FADS1: variants seen among roughly 807,000 people sequenced by gnomAD.
FADS1 encodes the protein acyl-CoA (8-3)-desaturase.
FADS1 carries 17 observed loss-of-function variants against 61.6 expected under a neutral mutation model. That is an observed-to-expected ratio of 0.28 (90% CI 0.19 to 0.41). The LOEUF is 0.41. Ranked by LOEUF, FADS1 falls within the 10% of genes least tolerant of loss-of-function variation. FADS1 has a pLI of 1.00. For synonymous variants in FADS1, 238 were observed against 258.7 expected (o/e 0.92, Z 0.77); for missense variants, 387 against 650.9 (o/e 0.59, Z 4.41).
chr11:61,816,726 C>G lies in FADS1; in HGVS notation c.204G>C (p.Ala68=). The change falls in exon 1 of 12, where the codon GCG becomes GCC. Residue 68 remains alanine, a synonymous_variant. Transcript: ENST00000350997. This position sits in a 1 kb window ranked among gnomAD's most constrained non-coding sequence, Gnocchi z 7.0. The stretch of plus-strand genomic sequence containing the variant: ...AGTAGCGCGGGGTAGGTCCCTGAGC[C>G]GCGGTCTCGGCGGCCACCGGGTCGG... The part of the protein sequence containing the change: ...MAPDPVAAET[A]AQGPTPRYFT... 1.3e-6 allele frequency: 2 copies of G among 1,563,200 alleles called. No individual in the cohort carries two copies. The highest frequency in any genetic ancestry group is 1.7e-6 in the Non-Finnish European group (2 of 1,154,794).
At chr11:61,813,747 C>T (rs1242937514) in intron 1 of FADS1, among the ~76,000 whole-genome samples, 1 of 152,160 alleles carries the variant, frequency 6.6e-6, no homozygotes, top group African/African-American at 2.4e-5. Context: ...GGGTGGATCA[C>T]GAGGTCAGGA....
intron 5 of FADS1, among the ~76,000 whole-genome samples, chr11:61,809,386 A>C: frequency 6.6e-6 from 1 of 152,156 alleles, no homozygotes; most frequent in East Asian, 1.9e-4. Flanking sequence ...GCTGTTACCC[A>C]GGCTGGAGTG....
Position 61,816,859 on chromosome 11 carries a change from G to A in FADS1, c.71C>T (p.Ala24Val). Reference sequence around the variant, plus strand: ...GTGGATTTGCTGGCGCGCGCCCAGAGCCAGCCGCCTGCGCGCCGGGTTTTC... The same window carrying A: ...GTGGATTTGCTGGCGCGCGCCCAGAACCAGCCGCCTGCGCGCCGGGTTTTC... ...GAENPARRRL[A>V]LGARQQIHSW... is the part of the protein sequence containing the mutation. The change falls in exon 1 of 12, where the codon GCT (alanine) becomes GTT (valine). Residue 24 changes from alanine to valine, a missense_variant. Physicochemically the swap from Ala to Val is moderately conservative, Grantham distance 64. This residue lies in a region of FADS1 where 130 missense variants were observed against 117.7 expected (regional missense o/e 1.10). Transcript: ENST00000350997. The surrounding 1 kb of genome is among the most constrained non-coding windows in gnomAD (Gnocchi z 7.0). 6.7e-7 allele frequency: 1 copy of A among 1,481,722 alleles called. No individual in the cohort carries two copies. The allele number at this position is 1,481,722 out of a possible 1,614,324, so 91.8% of individuals were successfully genotyped here. A position where few individuals can be genotyped will look rare whatever the true frequency, so the allele number is the denominator to read the frequency against.
chr11:61,810,738 T>C lies in FADS1; in HGVS notation c.915+13A>G, dbSNP rs1480960240. On this transcript the variant is annotated intron_variant, in intron 5 of 11. Transcript: ENST00000350997. ...CTATTCCCCAAGACCTTTCCACTGA[T>C]ACCTCCACGCACCTCCACAGAGAGG... 6.2e-7 allele frequency: 1 copy of C among 1,613,932 alleles called. No individual in the cohort carries two copies. The highest frequency in any genetic ancestry group is 8.5e-7 in the Non-Finnish European group (1 of 1,179,948).
intron 2 of FADS1, 59 bp downstream of exon 2, chr11:61,813,184 C>T (rs2066943756): frequency 2.0e-6 from 2 of 1,017,778 alleles, no homozygotes; most frequent in African/African-American, 1.6e-5. Context: ...TCTCCTTCCA[C>T]CCCCTCTCTG....
rs1464953187 is a variant in FADS1 at position 61,800,897 on chromosome 11, T to C, written c.*1514A>G. The C allele has an allele frequency of 6.6e-6, 1 of 152,354 alleles. No individual in the cohort carries two copies. The highest frequency in any genetic ancestry group is 2.4e-5 in the African/African-American group (1 of 41,448). The allele number at this position is 152,354 out of a possible 1,614,324, so 9.4% of individuals were successfully genotyped here. On this transcript the variant is annotated 3_prime_UTR_variant, in exon 12 of 12. Transcript: ENST00000350997. ...CTGGAGAGATGGGCTAAACTGTTTA[T>C]CTTTTAAAAACCAGATGATTAAAAA... is the stretch of plus-strand genomic sequence containing the variant.
chr11:61,806,745 A>G, intron 5 of FADS1, 21 bp from the exon 6 acceptor site: 6 of 1,611,822 alleles, frequency 3.7e-6, no homozygotes, highest in Non-Finnish European at 5.1e-6. Context: ...AAGCAAACAC[A>G]TGAGCATTCG....
intron 5 of FADS1, 85 bp from the exon 6 acceptor site, chr11:61,806,809 G>A (rs2066898052): frequency 8.7e-6 from 11 of 1,260,732 alleles, no homozygotes; most frequent in Non-Finnish European, 1.2e-5. Context: ...TGGAGGTTTA[G>A]GCCTCCTCCA....
At position 61,810,852 on chromosome 11, in the gene FADS1, T is replaced by A; in HGVS notation, c.814A>T (p.Met272Leu). The A allele has an allele frequency of 2.5e-6, 4 of 1,614,156 alleles. No individual in the cohort carries two copies. The highest frequency in any genetic ancestry group is 3.4e-6 in the Non-Finnish European group (4 of 1,180,024). ...KGAPASWWNH[M>L]HFQHHAKPNC... ...GGCTTGGCATGGTGCTGGAAGTGCATGTGGTTCCACCAACTGGCGGGGGCC... is the reference window on the plus strand; with the variant it reads ...GGCTTGGCATGGTGCTGGAAGTGCAAGTGGTTCCACCAACTGGCGGGGGCC... The change falls in exon 5 of 12, where the codon ATG becomes TTG. Residue 272 changes from methionine (M) to leucine (L), a missense_variant. Physicochemically the swap from Met to Leu is conservative, Grantham distance 15. Transcript: ENST00000350997.
intron 7 of FADS1, chr11:61,804,093 G>T (rs781066182): frequency 5.4e-6 from 2 of 368,922 alleles, no homozygotes; most frequent in Non-Finnish European, 1.0e-5. Context: ...CCATGCCAGT[G>T]CCCTGATCAA....
chr11:61,816,589 C>A lies in FADS1; in HGVS notation c.341G>T (p.Arg114Leu). 1 of 1,609,654 alleles carries A rather than the reference C, an allele frequency of 6.2e-7. No individual in the cohort carries two copies. Among genetic ancestry groups the A allele is most frequent in the Non-Finnish European group, 8.5e-7 (1 of 1,178,742 alleles). ...CTGCCCGGCGTAGTGGCTGATGACC[C>A]GGGAGCCCCCTGGATGCCGGCGGGT... The part of the protein sequence containing the change: ...EFTRRHPGGS[R>L]VISHYAGQDA... The change falls in exon 1 of 12, where the codon CGG becomes CTG. Residue 114 changes from arginine to leucine, a missense_variant. Arg to Leu is a moderately radical substitution (Grantham distance 102). Transcript: ENST00000350997. The surrounding 1 kb of genome is among the most constrained non-coding windows in gnomAD (Gnocchi z 7.0).
Position 61,802,298 on chromosome 11 carries a change from A to C in FADS1, c.*113T>G. Reference sequence around the variant, plus strand: ...TTTGAGTCAGAGGCTTTATGTCCCCAAACCCAACCCCCTCTGAGTATTAAA... The same window carrying C: ...TTTGAGTCAGAGGCTTTATGTCCCCCAACCCAACCCCCTCTGAGTATTAAA... On this transcript the variant is annotated 3_prime_UTR_variant, in exon 12 of 12. Coordinates refer to ENST00000350997, the MANE Select transcript of FADS1 (RefSeq NM_013402.7). The surrounding 1 kb of genome is among the most constrained non-coding windows in gnomAD (Gnocchi z 4.2). 1.0e-6 allele frequency: 1 copy of C among 995,520 alleles called. No homozygotes were observed. The highest frequency in any genetic ancestry group is 1.5e-6 in the Non-Finnish European group (1 of 647,938). The allele number at this position is 995,520 out of a possible 1,614,324, so 61.7% of individuals were successfully genotyped here. A position where few individuals can be genotyped will look rare whatever the true frequency, so the allele number is the denominator to read the frequency against.
chr11:61,802,460 G>A lies in FADS1; in HGVS notation c.1457C>T (p.Ser486Leu). 6.4e-7 allele frequency: 1 copy of A among 1,562,882 alleles called. No individual in the cohort carries two copies. Among genetic ancestry groups the A allele is most frequent in the Non-Finnish European group, 8.7e-7 (1 of 1,152,504 alleles). ...CCAGAGCTGCCCTGACTCCTTTAGT[G>A]AGCTGCAGGGACAAAATGGGGGCAG... ...LLSAFADIIHSLKESGQLWLD... is the reference protein window; with the variant it reads ...LLSAFADIIHLLKESGQLWLD... The change falls in exon 12 of 12, where the codon TCA (serine) becomes TTA (leucine). Residue 486 changes from serine to leucine, a missense_variant and splice_region_variant. Physicochemically the swap from Ser to Leu is moderately radical, Grantham distance 145. Transcript: ENST00000350997. The surrounding 1 kb of genome is among the most constrained non-coding windows in gnomAD (Gnocchi z 4.2).
Position 61,801,688 on chromosome 11 carries a change from T to G in FADS1, c.*723A>C, listed in dbSNP as rs2066856567. 6.6e-6 allele frequency: 1 copy of G among 152,486 alleles called. No homozygotes were observed. Among genetic ancestry groups the G allele is most frequent in the South Asian group, 2.1e-4 (1 of 4,836 alleles). 9.4% of individuals were successfully genotyped at this position (152,486 alleles called of 1,614,324 possible). On this transcript the variant is annotated 3_prime_UTR_variant, in exon 12 of 12. Coordinates refer to ENST00000350997, the MANE Select transcript of FADS1 (RefSeq NM_013402.7). ...CTAAGGCAGACATAGGTCATACCTATCCCTGGGCAGCGAGCTGAGCTCCCA... is the reference window on the plus strand; with the variant it reads ...CTAAGGCAGACATAGGTCATACCTAGCCCTGGGCAGCGAGCTGAGCTCCCA...
At chr11:61,807,217 T>G (rs1419803052) in intron 5 of FADS1, among the ~76,000 whole-genome samples, 1 of 152,196 alleles carries the variant, frequency 6.6e-6, no homozygotes, top group African/African-American at 2.4e-5. Flanking sequence ...TACAGGCATG[T>G]GCCTCCACGC....
Position 61,816,029 on chromosome 11 carries a change from C to A in FADS1, c.375+526G>T. 1.8e-6 allele frequency: 1 copy of A among 560,524 alleles called. No homozygotes were observed. The highest frequency in any genetic ancestry group is 3.2e-6 in the Non-Finnish European group (1 of 314,174). 34.7% of individuals were successfully genotyped at this position (560,524 alleles called of 1,614,324 possible). On this transcript the variant is annotated intron_variant, in intron 1 of 11. Transcript: ENST00000350997. This position sits in a 1 kb window ranked among gnomAD's most constrained non-coding sequence, Gnocchi z 7.0. ...AAGGCAGCGGTCTCCCCAAGCTTCC[C>A]GTTTCAGCCCCATCCTCGAGAATGG...
intron 3 of FADS1, 105 bp from the exon 4 acceptor site, chr11:61,811,180 G>C: frequency 1.3e-6 from 1 of 781,640 alleles, no homozygotes; most frequent in Non-Finnish European, 2.2e-6. Flanking sequence ...ATCTGCCAAG[G>C]CCTGTGATGC....
rs2135933630 is a variant in FADS1 at position 61,802,423 on chromosome 11, A to G, written c.1494T>C (p.Tyr498=). The change falls in exon 12 of 12, where the codon TAT becomes TAC. Residue 498 remains tyrosine, a synonymous_variant. Coordinates refer to ENST00000350997, the MANE Select transcript of FADS1 (RefSeq NM_013402.7). The surrounding 1 kb of genome is among the most constrained non-coding windows in gnomAD (Gnocchi z 4.2). The part of the protein sequence containing the change: ...KESGQLWLDA[Y]LHQ ...AGGGTGGCTGTTGTTATTGGTGAAG[A>G]TAGGCATCTAGCCAGAGCTGCCCTG... is the stretch of plus-strand genomic sequence containing the variant. 2 of 1,568,656 alleles carry G rather than the reference A, an allele frequency of 1.3e-6. No homozygotes were observed. Among genetic ancestry groups the G allele is most frequent in the East Asian group, 4.7e-5 (2 of 42,764 alleles).
rs2066977276 is a variant in FADS1 at position 61,815,923 on chromosome 11, G to A, written c.375+632C>T. 2.9e-6 allele frequency: 1 copy of A among 340,086 alleles called. No homozygotes were observed. Among genetic ancestry groups the A allele is most frequent in the Non-Finnish European group, 5.5e-6 (1 of 181,978 alleles). 21.1% of individuals were successfully genotyped at this position (340,086 alleles called of 1,614,324 possible). On this transcript the variant is annotated intron_variant, in intron 1 of 11. Coordinates refer to ENST00000350997, the MANE Select transcript of FADS1 (RefSeq NM_013402.7). This position sits in a 1 kb window ranked among gnomAD's most constrained non-coding sequence, Gnocchi z 6.4. ...GTGTATGCCATTCCCAATCCCTTAT[G>A]TACGCCAGCGGCCGCTTGCCCTCCC...
Sources: gnomAD v4.1 joint callset for allele counts (sites outside exome capture counted in the v4.1 genomes callset) on GRCh38, gnomAD v4.1.1 for gene constraint, gnomAD v4.1.1 regional missense constraint, Gnocchi (gnomAD v3.1) non-coding constraint, MANE v1.5 for transcripts, NCBI Gene and HGNC (gene_info 2026-07-23, HGNC 2026-07-21) for gene names.